The following CRYAB variants were observed in gnomAD, a reference collection of about 807,000 sequenced individuals.
CRYAB encodes the protein crystallin alpha B.
In CRYAB, 9 loss-of-function variants were observed where a neutral mutation model predicts 12.7. That is an observed-to-expected ratio of 0.71 (90% CI 0.43 to 1.24). CRYAB has a LOEUF of 1.24. Among genes scored for constraint, CRYAB ranks in the 50% most tolerant of loss-of-function variants. The probability of loss-of-function intolerance (pLI) is 0.00; values close to 1 mark genes in which losing one functional copy is unlikely to be tolerated. For synonymous variants in CRYAB, 93 were observed against 86.8 expected, an observed-to-expected ratio of 1.07 and a Z score of -0.40; for missense variants, 183 against 226.6, an observed-to-expected ratio of 0.81 and a Z score of 1.24.
chr11:111,913,961 C>T, upstream of CRYAB: 1 of 1,368,770 alleles, frequency 7.3e-7, no homozygotes. Context: ...CAGCTGCCCA[C>T]CACTCCAGAG....
chr11:111,923,533 C>T (rs17856256), intron 1 of CRYAB, among the ~76,000 whole-genome samples: 5 of 152,176 alleles, frequency 3.3e-5, no homozygotes, highest in African/African-American at 9.7e-5. Flanking sequence ...AAAAAGAATC[C>T]GGAGTAAGCC....
upstream of CRYAB, chr11:111,912,674 CAGCCCCTCCCCCCCCAAGAGGCT>C: frequency 1.8e-6 from 1 of 569,008 alleles, no homozygotes; most frequent in Non-Finnish European, 3.1e-6. Context: ...CCCCCACTCC[CAGCCCCTCCCCCCCCAAGAGGCT>C]CGGCACTATT....
chr11:111,911,312 G>A (rs1332421610), intron 1 of CRYAB, among the ~76,000 whole-genome samples: 1 of 152,190 alleles, frequency 6.6e-6, no homozygotes, highest in African/African-American at 2.4e-5. Context: ...ACTTGACAGT[G>A]CATGAAAAAA....
intron 1 of CRYAB, among the ~76,000 whole-genome samples, chr11:111,920,127 G>A (rs985473971): frequency 3.9e-5 from 6 of 151,918 alleles, no homozygotes; most frequent in African/African-American, 9.7e-5. Flanking sequence ...CCCAGGAGAC[G>A]GAGCTTGCAG....
upstream of CRYAB, chr11:111,917,973 C>T (rs189937849): frequency 3.9e-5 from 6 of 152,358 alleles, no homozygotes; most frequent in Non-Finnish European, 7.3e-5. Context: ...AAGATTGTCA[C>T]TCTTACCCAT....
intron 2 of CRYAB, chr11:111,909,857 T>C: frequency 2.4e-6 from 1 of 411,828 alleles, no homozygotes; most frequent in Middle Eastern, 7.0e-4. Flanking sequence ...GACAGCCCTA[T>C]ACCTAATCAG....
At chr11:111,911,017 G>A (rs374847738) in intron 1 of CRYAB, 22 of 221,284 alleles carry the variant, frequency 9.9e-5, no homozygotes, top group East Asian at 8.7e-4. Context: ...TTGTTTCCTC[G>A]TAGGGCTTGA....
At chr11:111,912,689 C>CCA, upstream of CRYAB, 2 of 535,174 alleles carry the variant, frequency 3.7e-6, no homozygotes, top group South Asian at 1.9e-5. Flanking sequence ...CCTCCCCCCC[C>CCA]AAGAGGCTCG....
At position 111,910,037 on chromosome 11, in the gene CRYAB, G is replaced by A. The variant is rs1965403719; in HGVS notation, c.324+290C>T. ...CATTAGGTTTTTTGAAAGTTCCCCT[G>A]GTGATTCTAATGTGGCCCAGATTCA... On this transcript the variant is annotated intron_variant, in intron 2 of 2. Transcript: ENST00000650687. 4 of 619,654 alleles carry A rather than the reference G, an allele frequency of 6.5e-6. No individual in the cohort carries two copies. The South Asian group carries it at 7.7e-5, about 12-fold the overall frequency. The allele number at this position is 619,654 out of a possible 1,614,324, so 38.4% of individuals were successfully genotyped here.
Position 111,909,150 on chromosome 11 carries a change from T to C in CRYAB, c.325-183A>G, listed in dbSNP as rs1187158551. 1.3e-5 allele frequency: 9 copies of C among 687,718 alleles called. No individual in the cohort carries two copies. In the African/African-American group the frequency reaches 1.6e-4, roughly 12 times the overall value. 42.6% of individuals were successfully genotyped at this position (687,718 alleles called of 1,614,324 possible). A position where few individuals can be genotyped will look rare whatever the true frequency, so the allele number is the denominator to read the frequency against. ...ATGAAATTGCCTAGGTAGTCACTCC[T>C]ACCAGTGAGAATCTGAGAAGTCTGA... On this transcript the variant is annotated intron_variant, in intron 2 of 2. Coordinates refer to ENST00000650687, the MANE Select transcript of CRYAB (RefSeq NM_001289808.2).
upstream of CRYAB, chr11:111,913,788 C>T (rs782393308): frequency 3.7e-6 from 6 of 1,614,158 alleles, no homozygotes; most frequent in Non-Finnish European, 4.2e-6. Flanking sequence ...GGAAGCACCT[C>T]GGGGTGGCCG....
intron 1 of CRYAB, among the ~76,000 whole-genome samples, chr11:111,922,705 T>C (rs1244514883): frequency 6.6e-6 from 1 of 152,236 alleles, no homozygotes; most frequent in Non-Finnish European, 1.5e-5. Context: ...TACCAAATCA[T>C]GGACCTTCAG....
chr11:111,913,175 C>G (rs1965525164), upstream of CRYAB: 2 of 604,148 alleles, frequency 3.3e-6, no homozygotes, highest in African/African-American at 1.9e-5. Context: ...TCCTTGTCCC[C>G]CTTCTATCCA....
chr11:111,913,305 G>A, upstream of CRYAB: 1 of 692,532 alleles, frequency 1.4e-6, no homozygotes. Context: ...GCTACAGTGT[G>A]GCCTCCCTCC....
chr11:111,911,814 G>T, upstream of CRYAB: 2 of 868,442 alleles, frequency 2.3e-6, no homozygotes, highest in Non-Finnish European at 3.7e-6. Flanking sequence ...GTCTTGTGAA[G>T]CTTCTGGAAT....
At chr11:111,913,480 A>G (rs781825092), upstream of CRYAB, 2 of 1,612,396 alleles carry the variant, frequency 1.2e-6, no homozygotes, top group Non-Finnish European at 1.7e-6. Flanking sequence ...ACACTCTACC[A>G]TGGCTACTAT....
At chr11:111,920,868 TAA>T (rs1229792307) in intron 1 of CRYAB, among the ~76,000 whole-genome samples, 20 of 152,350 alleles carry the variant, frequency 1.3e-4, no homozygotes, top group South Asian at 4.1e-4. Context: ...CCATAGGTAA[TAA>T]GTCCCTTAAT....
chr11:111,915,075 A>G (rs1965577267), upstream of CRYAB, among the ~76,000 whole-genome samples: 1 of 152,150 alleles, frequency 6.6e-6, no homozygotes, highest in Non-Finnish European at 1.5e-5. Flanking sequence ...GCCTCAAAAA[A>G]ATTAAATTGA....
intron 1 of CRYAB, among the ~76,000 whole-genome samples, chr11:111,919,816 A>G (rs1555166371): frequency 6.6e-6 from 1 of 152,218 alleles, no homozygotes; most frequent in African/African-American, 2.4e-5. Context: ...ACTGAGGCCC[A>G]CCTGACTTCA....
Sources: gnomAD v4.1 joint callset for allele counts (sites outside exome capture counted in the v4.1 genomes callset) on GRCh38, gnomAD v4.1.1 for gene constraint, MANE v1.5 for transcripts, NCBI Gene and HGNC (gene_info 2026-07-23, HGNC 2026-07-21) for gene names.